CDH12: variants seen among roughly 807,000 people sequenced by gnomAD.
CDH12 encodes the protein cadherin-12.
A neutral mutation model predicts 74.1 loss-of-function variants in CDH12; 41 were observed. The observed-to-expected ratio is 0.55, with a 90% CI of 0.43 to 0.72. The LOEUF (loss-of-function observed/expected upper bound fraction) is 0.72. Among genes scored for constraint, CDH12 ranks in the 30% least tolerant of loss-of-function variants. The pLI is 0.00. For missense variants in CDH12, 945 were observed against 977.2 expected (o/e 0.97, Z 0.44); for synonymous variants, 399 against 355.0 (o/e 1.12, Z -1.39).
intron 4 of CDH12, among the ~76,000 whole-genome samples, chr5:22,179,612 G>A (rs763939226): frequency 6.6e-6 from 1 of 152,022 alleles, no homozygotes. Context: ...TTTAGCTGAT[G>A]GTACATAGCT....
chr5:22,387,276 A>T (rs1742039279), intron 3 of CDH12, among the ~76,000 whole-genome samples: 1 of 151,888 alleles, frequency 6.6e-6, no homozygotes, highest in African/African-American at 2.4e-5. Context: ...TTTTTAAAAA[A>T]AATTTTTAAA....
intron 4 of CDH12, among the ~76,000 whole-genome samples, chr5:22,131,427 T>A (rs1220689565): frequency 6.6e-6 from 1 of 152,148 alleles, no homozygotes; most frequent in Non-Finnish European, 1.5e-5. Flanking sequence ...GTTGCTGGGA[T>A]AAGATAGATT....
intron 5 of CDH12, among the ~76,000 whole-genome samples, chr5:22,023,145 A>G (rs940130252): frequency 4.6e-5 from 7 of 151,606 alleles, no homozygotes; most frequent in African/African-American, 1.7e-4. Context: ...ATCTTGTTCC[A>G]CTCTCCCATG....
chr5:21,882,562 C>A, intron 6 of CDH12: 1 of 1,381,570 alleles, frequency 7.2e-7, no homozygotes, highest in Non-Finnish European at 1.0e-6. Context: ...TCGCCGCGCG[C>A]ATGCCCTGCA....
chr5:22,078,797 G>A lies in CDH12; in HGVS notation c.-121C>T. The stretch of plus-strand genomic sequence containing the variant: ...TAGCTTCTTGTTTTATTGCAGAAAT[G>A]ATGATGCAGGCATTAATCCTTTTGA... On this transcript the variant is annotated 5_prime_UTR_variant, in exon 5 of 15. Coordinates refer to ENST00000382254, the MANE Select transcript of CDH12 (RefSeq NM_004061.5). The A allele has an allele frequency of 6.8e-7, 1 of 1,463,198 alleles. No homozygotes were observed. The highest frequency in any genetic ancestry group is 1.4e-5 in the African/African-American group (1 of 70,674). The allele number at this position is 1,463,198 out of a possible 1,614,324, so 90.6% of individuals were successfully genotyped here.
intron 3 of CDH12, among the ~76,000 whole-genome samples, chr5:22,319,680 T>C (rs1396309158): frequency 6.6e-6 from 1 of 152,202 alleles, no homozygotes; most frequent in Non-Finnish European, 1.5e-5. Context: ...ATTATATTTA[T>C]AAATTCTTTA....
chr5:22,602,141 T>C (rs1018096852), intron 1 of CDH12, among the ~76,000 whole-genome samples: 1 of 152,132 alleles, frequency 6.6e-6, no homozygotes, highest in African/African-American at 2.4e-5. Flanking sequence ...AGCTGTCAAT[T>C]AGCTGTCAGA....
intron 1 of CDH12, among the ~76,000 whole-genome samples, chr5:22,511,026 C>G (rs1302156397): frequency 2.0e-5 from 3 of 151,968 alleles, no homozygotes; most frequent in African/African-American, 7.3e-5. Context: ...TCCTAAGTAG[C>G]TGGGATTACA....
At chr5:22,029,203 C>T (rs1165248582) in intron 5 of CDH12, among the ~76,000 whole-genome samples, 13 of 152,152 alleles carry the variant, frequency 8.5e-5, no homozygotes, top group East Asian at 1.9e-4. Flanking sequence ...TAGGCATGGG[C>T]AAGGACTTCA....
In CDH12 at chr5:21,842,154, G is replaced by A. The variant is rs1469904409; in HGVS notation, c.814+7C>T. The A allele has an allele frequency of 6.2e-7, 1 of 1,602,620 alleles. No individual in the cohort carries two copies. The highest frequency in any genetic ancestry group is 8.5e-7 in the Non-Finnish European group (1 of 1,174,986). On this transcript the variant is annotated splice_region_variant and intron_variant, in intron 8 of 14. Transcript: ENST00000382254. ...ATAATTTAGGCTTAACAGGAAAGGTGACATACTTTTGGGGAATCGAGGTGG... is the reference window on the plus strand; with the variant it reads ...ATAATTTAGGCTTAACAGGAAAGGTAACATACTTTTGGGGAATCGAGGTGG...
intron 3 of CDH12, among the ~76,000 whole-genome samples, chr5:22,306,349 G>A (rs1478055284): frequency 6.6e-6 from 1 of 151,900 alleles, no homozygotes. Context: ...AAAATAATGA[G>A]AGAGAGAAAA....
chr5:22,316,757 T>C (rs947017614), intron 3 of CDH12, among the ~76,000 whole-genome samples: 3 of 152,110 alleles, frequency 2.0e-5, no homozygotes, highest in Non-Finnish European at 4.4e-5. Flanking sequence ...CATCTCGATA[T>C]GTAAAAGGTC....
chr5:22,707,973 T>C (rs948992593), intron 1 of CDH12, among the ~76,000 whole-genome samples: 2 of 152,148 alleles, frequency 1.3e-5, no homozygotes, highest in African/African-American at 2.4e-5. Flanking sequence ...CTCTATAACA[T>C]TGATACAGTA....
chr5:21,816,127 G>A (rs1748026546), intron 9 of CDH12, among the ~76,000 whole-genome samples: 1 of 151,994 alleles, frequency 6.6e-6, no homozygotes, highest in Non-Finnish European at 1.5e-5. Context: ...CTTATATGTG[G>A]ATTTTCCTCT....
intron 5 of CDH12, among the ~76,000 whole-genome samples, chr5:22,075,795 G>C (rs967753057): frequency 6.6e-6 from 1 of 152,038 alleles, no homozygotes; most frequent in African/African-American, 2.4e-5. Context: ...GTCCAATGGT[G>C]AACTGTAGAC....
Position 21,830,723 on chromosome 5 carries a change from G to A in CDH12, c.814+11438C>T, listed in dbSNP as rs1433557458. 2.6e-5 allele frequency among the ~76,000 whole-genome samples: 4 copies of A among 151,898 alleles called. 1 individual carries two copies. Among genetic ancestry groups the A allele is most frequent in the Non-Finnish European group, 5.9e-5 (4 of 67,990 alleles). ...AAACCCTAGGCCCTCTGTGCTTTACGAATCACTTTATAAGCTTAAAAATAC... is the reference window on the plus strand; with the variant it reads ...AAACCCTAGGCCCTCTGTGCTTTACAAATCACTTTATAAGCTTAAAAATAC... On this transcript the variant is annotated intron_variant, in intron 8 of 14. Coordinates refer to ENST00000382254, the MANE Select transcript of CDH12 (RefSeq NM_004061.5).
intron 4 of CDH12, among the ~76,000 whole-genome samples, chr5:22,129,163 G>C (rs922647930): frequency 6.6e-6 from 1 of 152,178 alleles, no homozygotes; most frequent in Non-Finnish European, 1.5e-5. Flanking sequence ...AATAAAGGTA[G>C]TGTATTAAAG....
At chr5:22,774,145 T>C (rs562805407) in intron 1 of CDH12, among the ~76,000 whole-genome samples, 4 of 152,252 alleles carry the variant, frequency 2.6e-5, no homozygotes, top group African/African-American at 9.6e-5. Context: ...TCCATGCAGA[T>C]GTATGTTCAT....
intron 12 of CDH12, among the ~76,000 whole-genome samples, chr5:21,761,477 A>T (rs1744713586): frequency 6.6e-6 from 1 of 152,234 alleles, no homozygotes; most frequent in African/African-American, 2.4e-5. Flanking sequence ...GTTATGTGAG[A>T]GATGACAAGG....
Sources: allele counts gnomAD v4.1 joint callset (sites outside exome capture counted in the v4.1 genomes callset), GRCh38; gene constraint gnomAD v4.1.1; transcripts MANE v1.5; gene names NCBI Gene and HGNC (gene_info 2026-07-23, HGNC 2026-07-21).